KPNA3: variants seen among roughly 807,000 people sequenced by gnomAD.
The protein encoded by KPNA3 is karyopherin subunit alpha 3, also known as importin subunit alpha-4.
A neutral mutation model predicts 73.8 loss-of-function variants in KPNA3; 13 were observed. The observed-to-expected ratio is 0.18, with a 90% CI of 0.11 to 0.28. The LOEUF (loss-of-function observed/expected upper bound fraction) is 0.28. Among genes scored for constraint, KPNA3 ranks in the 10% least tolerant of loss-of-function variants. KPNA3 has a pLI of 1.00. For synonymous variants in KPNA3, 186 were observed against 206.9 expected (o/e 0.90, Z 0.87); for missense variants, 360 against 618.1 (o/e 0.58, Z 4.43).
In KPNA3 at chr13:49,702,413, G is replaced by A. The variant is rs777016891; in HGVS notation, c.1440C>T (p.Ile480=). 6 of 1,533,876 alleles carry A rather than the reference G, an allele frequency of 3.9e-6. No homozygotes were observed. Among genetic ancestry groups the A allele is most frequent in the Non-Finnish European group, 5.4e-6 (6 of 1,113,288 alleles). Residue 480 remains isoleucine, a synonymous_variant, in exon 16 of 17, where the codon ATC becomes ATT. Coordinates refer to ENST00000261667, the MANE Select transcript of KPNA3 (RefSeq NM_002267.4). ...CATCACCAGAGAAATACTGATCTATGATTTCAAATGCTAATTTATATATGT... is the reference window on the plus strand; with the variant it reads ...CATCACCAGAGAAATACTGATCTATAATTTCAAATGCTAATTTATATATGT... ...NEDIYKLAFE[I]IDQYFSGDDI... is the part of the protein sequence containing the mutation.
intron 1 of KPNA3, among the ~76,000 whole-genome samples, chr13:49,751,934 G>A (rs1954666633): frequency 1.3e-5 from 2 of 152,136 alleles, no homozygotes; most frequent in Non-Finnish European, 2.9e-5. Flanking sequence ...CACCTACAAG[G>A]TTGGGAGACA....
chr13:49,751,744 C>CA (rs1284843038), intron 1 of KPNA3, among the ~76,000 whole-genome samples: 4 of 151,978 alleles, frequency 2.6e-5, no homozygotes, highest in Non-Finnish European at 4.4e-5. Context: ...CCTGTCTCTA[C>CA]AAAAAAATTA....
At chr13:49,710,822 A>C in intron 11 of KPNA3, 69 bp downstream of exon 11, 1 of 1,340,554 alleles carries the variant, frequency 7.5e-7, no homozygotes, top group Non-Finnish European at 1.0e-6. Context: ...ATTAAAGCCT[A>C]GCTGTACAAG....
intron 1 of KPNA3, among the ~76,000 whole-genome samples, chr13:49,778,915 T>C (rs1026087691): frequency 3.3e-5 from 5 of 152,186 alleles, no homozygotes; most frequent in African/African-American, 1.2e-4. Context: ...GCCAGAATTT[T>C]TGTTAAGTGT....
intron 1 of KPNA3, among the ~76,000 whole-genome samples, chr13:49,769,377 C>A (rs936204033): frequency 2.0e-4 from 31 of 152,174 alleles, no homozygotes; most frequent in African/African-American, 7.2e-4. Context: ...ATCACCACTA[C>A]CTAATTTTAG....
intron 1 of KPNA3, among the ~76,000 whole-genome samples, chr13:49,771,173 GA>G (rs1189748637): frequency 6.8e-6 from 1 of 147,810 alleles, no homozygotes; most frequent in Non-Finnish European, 1.5e-5. Flanking sequence ...GAAAAGAATA[GA>G]AAAAAAGAAA....
chr13:49,766,069 ACTCT>A (rs1218584689), intron 1 of KPNA3, among the ~76,000 whole-genome samples: 1 of 152,160 alleles, frequency 6.6e-6, no homozygotes, highest in African/African-American at 2.4e-5. Flanking sequence ...AGATAACAGC[ACTCT>A]CTAAAAGTGG....
chr13:49,790,745 G>A (rs1275020532), intron 1 of KPNA3, among the ~76,000 whole-genome samples: 1 of 152,178 alleles, frequency 6.6e-6, no homozygotes, highest in Non-Finnish European at 1.5e-5. Flanking sequence ...CCTATTATGT[G>A]CAGGAGTCCT....
chr13:49,731,463 T>C (rs973332230), intron 6 of KPNA3, among the ~76,000 whole-genome samples: 11 of 152,094 alleles, frequency 7.2e-5, no homozygotes, highest in African/African-American at 2.7e-4. Flanking sequence ...ACAAACATGA[T>C]AGTATTTTAA....
At chr13:49,775,871 T>C (rs898136767) in intron 1 of KPNA3, among the ~76,000 whole-genome samples, 25 of 152,342 alleles carry the variant, frequency 1.6e-4, no homozygotes, top group East Asian at 3.9e-4. Context: ...TCAGTGACAA[T>C]GCTTTTTGTA....
At chr13:49,741,359 T>C (rs1312475426) in intron 2 of KPNA3, among the ~76,000 whole-genome samples, 2 of 152,190 alleles carry the variant, frequency 1.3e-5, no homozygotes, top group African/African-American at 4.8e-5. Flanking sequence ...CTCACAGTAG[T>C]TTTAATTTTA....
intron 6 of KPNA3, among the ~76,000 whole-genome samples, chr13:49,727,741 G>A (rs981085926): frequency 6.6e-6 from 1 of 152,062 alleles, no homozygotes; most frequent in African/African-American, 2.4e-5. Context: ...GGCACTAAGA[G>A]GGGTAAGGGG....
Position 49,792,556 on chromosome 13 carries a change from G to GCGGCTGCGGCGGCGGCA in KPNA3, c.-51_-50insTGCCGCCGCCGCAGCCG. On this transcript the variant is annotated 5_prime_UTR_variant, in exon 1 of 17. Transcript: ENST00000261667. ...CTACTCCTGCGGCTGCGGCGGCGGC[G>GCGGCTGCGGCGGCGGCA]GCGGCGAATCTTGGAGCGGGAGGGG... The GCGGCTGCGGCGGCGGCA allele has an allele frequency of 7.5e-7, 1 of 1,336,452 alleles. No individual in the cohort carries two copies. The highest frequency in any genetic ancestry group is 1.0e-6 in the Non-Finnish European group (1 of 959,440). 82.8% of individuals were successfully genotyped at this position (1,336,452 alleles called of 1,614,324 possible).
At chr13:49,762,887 A>C (rs1954779554) in intron 1 of KPNA3, among the ~76,000 whole-genome samples, 1 of 148,236 alleles carries the variant, frequency 6.7e-6, no homozygotes, top group Admixed American at 6.8e-5. Context: ...AAATTAAAAA[A>C]ATAAATAAAT....
intron 10 of KPNA3, among the ~76,000 whole-genome samples, chr13:49,714,612 C>T (rs1954288512): frequency 6.6e-6 from 1 of 152,060 alleles, no homozygotes; most frequent in Non-Finnish European, 1.5e-5. Flanking sequence ...AAGAGGGAAA[C>T]TATCAAATCT....
chr13:49,742,797 C>T (rs577441796), intron 2 of KPNA3, among the ~76,000 whole-genome samples: 1 of 152,068 alleles, frequency 6.6e-6, no homozygotes, highest in Admixed American at 6.6e-5. Flanking sequence ...GAAGCAGTGC[C>T]TTCTTTTACA....
intron 10 of KPNA3, among the ~76,000 whole-genome samples, chr13:49,714,798 T>C (rs1460912499): frequency 6.6e-6 from 1 of 152,060 alleles, no homozygotes; most frequent in African/African-American, 2.4e-5. Context: ...TATTAATATT[T>C]GTAATTAATG....
intron 11 of KPNA3, among the ~76,000 whole-genome samples, chr13:49,710,135 G>T (rs1954246782): frequency 6.6e-6 from 1 of 152,168 alleles, no homozygotes; most frequent in Non-Finnish European, 1.5e-5. Flanking sequence ...GATGGTGCAT[G>T]CCTGTAATCC....
intron 2 of KPNA3, among the ~76,000 whole-genome samples, chr13:49,736,100 C>T (rs927175155): frequency 1.8e-4 from 28 of 152,074 alleles, no homozygotes; most frequent in African/African-American, 6.0e-4. Flanking sequence ...CAATAATACC[C>T]TCACTTTAAA....
Sources: allele counts gnomAD v4.1 joint callset (sites outside exome capture counted in the v4.1 genomes callset), GRCh38; gene constraint gnomAD v4.1.1; transcripts MANE v1.5; gene names NCBI Gene and HGNC (gene_info 2026-07-23, HGNC 2026-07-21).